ITGB2: variants seen among roughly 807,000 people sequenced by gnomAD.
ITGB2 encodes the protein integrin beta-2.
ITGB2 carries 56 observed loss-of-function variants against 86.8 expected under a neutral mutation model. The observed-to-expected ratio is 0.65, with a 90% CI of 0.52 to 0.81. The LOEUF (loss-of-function observed/expected upper bound fraction) is 0.81. Ranked by LOEUF, ITGB2 falls within the 30% of genes least tolerant of loss-of-function variation. The pLI is 0.00. For synonymous variants in ITGB2, 457 were observed against 450.4 expected (o/e 1.01, Z -0.19); for missense variants, 948 against 1,061.2 (o/e 0.89, Z 1.48).
Position 44,888,874 on chromosome 21 carries a change from C to T in ITGB2, c.1899G>A (p.Lys633=). 1 of 1,607,060 alleles carries T rather than the reference C, an allele frequency of 6.2e-7. No homozygotes were observed. Among genetic ancestry groups the T allele is most frequent in the Non-Finnish European group, 8.5e-7 (1 of 1,179,892 alleles). The change falls in exon 14 of 16, where the codon AAG becomes AAA. Residue 633 remains lysine (K), a synonymous_variant. Transcript: ENST00000652462. ...GKYISCAECL[K]FEKGPFGKNC... is the part of the protein sequence containing the mutation. Reference sequence around the variant, plus strand: ...TCTTCCCAAAGGGGCCCTTTTCGAACTTCAGGCACTCGGCGCAGGAGCTGC... The same window carrying T: ...TCTTCCCAAAGGGGCCCTTTTCGAATTTCAGGCACTCGGCGCAGGAGCTGC...
intron 1 of ITGB2, among the ~76,000 whole-genome samples, chr21:44,916,600 G>A (rs1377827876): frequency 6.6e-6 from 1 of 152,130 alleles, no homozygotes; most frequent in Admixed American, 6.5e-5. Context: ...GGGCATGGTG[G>A]CTCATGCCTG....
At position 44,886,085 on chromosome 21, in the gene ITGB2, G is replaced by A. The variant is rs1390012913; in HGVS notation, c.*283C>T. 3.8e-6 allele frequency: 2 copies of A among 532,652 alleles called. No homozygotes were observed. The highest frequency in any genetic ancestry group is 6.3e-5 in the Admixed American group (2 of 31,662). The allele number at this position is 532,652 out of a possible 1,614,324, so 33.0% of individuals were successfully genotyped here. On this transcript the variant is annotated 3_prime_UTR_variant, in exon 16 of 16. Transcript: ENST00000652462. ...AATAAATTGGCACCACCTTTAATCA[G>A]ACTGATGTCCTGACTTGCACAGGAA...
chr21:44,894,250 T>G (rs564437572), intron 9 of ITGB2: 123 of 163,096 alleles, frequency 7.5e-4, no homozygotes, highest in Non-Finnish European at 1.5e-3. Context: ...GCCTTCAGTT[T>G]AATTCAATGA....
At chr21:44,921,331 G>C (rs1276157885), upstream of ITGB2, 1 of 152,436 alleles carries the variant, frequency 6.6e-6, no homozygotes, top group Admixed American at 6.5e-5. Flanking sequence ...TAAAGAGGTG[G>C]GAACAGGCAA....
chr21:44,906,398 G>A (rs1198570968), intron 4 of ITGB2, among the ~76,000 whole-genome samples: 1 of 152,118 alleles, frequency 6.6e-6, no homozygotes, highest in Non-Finnish European at 1.5e-5. Flanking sequence ...TGGGATTACA[G>A]GCGTGAGCCA....
chr21:44,925,557 T>C (rs1443757064), upstream of ITGB2, among the ~76,000 whole-genome samples: 1 of 152,210 alleles, frequency 6.6e-6, no homozygotes, highest in African/African-American at 2.4e-5. Flanking sequence ...ACTTGTGGTC[T>C]AACCCTAACC....
intron 1 of ITGB2, among the ~76,000 whole-genome samples, chr21:44,919,317 C>G: frequency 6.6e-6 from 1 of 152,244 alleles, no homozygotes; most frequent in East Asian, 1.9e-4. Context: ...GGGACTCCCC[C>G]ACTCATCCCC....
In ITGB2 at chr21:44,910,282, A is replaced by G. The variant is rs1209123116; in HGVS notation, c.147+2T>C. 1.2e-6 allele frequency: 2 copies of G among 1,613,834 alleles called. No homozygotes were observed. The highest frequency in any genetic ancestry group is 1.7e-6 in the Non-Finnish European group (2 of 1,179,918). ...GTGGGGAGGGGTCCAGGAGGCACTT[A>G]CCAGCTTCTGGCACCAGGTGCAGCC... On this transcript the variant is annotated splice_donor_variant, in intron 3 of 15. Coordinates refer to ENST00000652462, the MANE Select transcript of ITGB2 (RefSeq NM_000211.5). LOFTEE classifies it high-confidence loss of function.
intron 8 of ITGB2, 22 bp downstream of exon 8, chr21:44,899,045 C>T (rs1401758147): frequency 6.3e-7 from 1 of 1,586,986 alleles, no homozygotes; most frequent in African/African-American, 1.3e-5. Context: ...CCAATGGATG[C>T]TCGGGACCCA....
At chr21:44,899,779 C>T (rs544167943) in intron 7 of ITGB2, among the ~76,000 whole-genome samples, 31 of 152,334 alleles carry the variant, frequency 2.0e-4, no homozygotes, top group Admixed American at 7.8e-4. Context: ...CATCCTAACC[C>T]GTGCATCCTG....
intron 9 of ITGB2, chr21:44,894,419 C>T: frequency 5.6e-6 from 1 of 178,982 alleles, no homozygotes; most frequent in Non-Finnish European, 1.2e-5. Context: ...TGAATGGCAC[C>T]TAGTGCGCAC....
intron 14 of ITGB2, among the ~76,000 whole-genome samples, chr21:44,888,308 G>A (rs2083728173): frequency 1.3e-5 from 2 of 151,782 alleles, no homozygotes; most frequent in South Asian, 2.1e-4. Context: ...GGAGCCTCAC[G>A]CAGCAACCTG....
chr21:44,923,155 G>A (rs1376545733), upstream of ITGB2, among the ~76,000 whole-genome samples: 1 of 152,188 alleles, frequency 6.6e-6, no homozygotes, highest in Non-Finnish European at 1.5e-5. Context: ...AGAAGCATCA[G>A]GAGGGTGTGT....
At chr21:44,892,031 C>A (rs752784838) in intron 10 of ITGB2, 35 bp from the exon 11 acceptor site, 1 of 1,600,742 alleles carries the variant, frequency 6.2e-7, no homozygotes, top group Non-Finnish European at 8.5e-7. Context: ...TGGGGACCCT[C>A]GGTGGCCAGG....
intron 10 of ITGB2, among the ~76,000 whole-genome samples, chr21:44,892,559 C>G (rs373093515): frequency 7.0e-6 from 1 of 142,076 alleles, no homozygotes; most frequent in Non-Finnish European, 1.5e-5. Context: ...GAGCCAAGAT[C>G]GCACCAGTGC....
At chr21:44,910,418 G>A (rs765885550) in intron 2 of ITGB2, 46 bp from the exon 3 acceptor site, 1 of 1,613,200 alleles carries the variant, frequency 6.2e-7, no homozygotes, top group East Asian at 2.2e-5. Context: ...GGGCCGCCCT[G>A]CCCACACCCA....
rs376609171 is a variant in ITGB2 at position 44,901,599 on chromosome 21, T to C, written c.634A>G (p.Asn212Asp). 14 of 1,614,158 alleles carry C rather than the reference T, an allele frequency of 8.7e-6. No homozygotes were observed. Among genetic ancestry groups the C allele is most frequent in the Non-Finnish European group, 1.2e-5 (14 of 1,180,056 alleles). ...TCGGTCTGAAACTGGTTGGAGTTGTTGGTCAGCTTCAGCACGTGCCTGAAG... is the reference window on the plus strand; with the variant it reads ...TCGGTCTGAAACTGGTTGGAGTTGTCGGTCAGCTTCAGCACGTGCCTGAAG... ...FAFRHVLKLT[N>D]NSNQFQTEVG... The change falls in exon 6 of 16, where the codon AAC (asparagine) becomes GAC (aspartate). Residue 212 changes from asparagine (N) to aspartate (D), a missense_variant. By Grantham distance (23) the Asn-to-Asp change is conservative (BLOSUM62 1). Transcript: ENST00000652462.
chr21:44,910,434 G>A (rs1249859085), intron 2 of ITGB2, 62 bp from the exon 3 acceptor site: 8 of 1,611,486 alleles, frequency 5.0e-6, no homozygotes, highest in Non-Finnish European at 5.9e-6. Flanking sequence ...ACCCAAGGGG[G>A]AGTAGAGCAG....
At chr21:44,920,052 C>T (rs1343291795) in intron 1 of ITGB2, among the ~76,000 whole-genome samples, 8 of 152,138 alleles carry the variant, frequency 5.3e-5, no homozygotes, top group East Asian at 1.9e-4. Context: ...AATCGCACAG[C>T]GGTGCCCGCT....
Sources: gnomAD v4.1 joint callset for allele counts (sites outside exome capture counted in the v4.1 genomes callset) on GRCh38, gnomAD v4.1.1 for gene constraint, MANE v1.5 for transcripts, NCBI Gene and HGNC (gene_info 2026-07-23, HGNC 2026-07-21) for gene names.